TCERG1: variants seen among roughly 807,000 people sequenced by gnomAD.
TCERG1 encodes the protein TATA box binding protein (TBP)-associated factor, RNA polymerase II, S, 150kD.
Under a neutral mutation model 144.7 loss-of-function variants are expected in TCERG1, and 37 were observed. The observed-to-expected ratio is 0.26, with a 90% CI of 0.20 to 0.34. TCERG1 has a LOEUF of 0.34. Ranked by LOEUF, TCERG1 falls within the 10% of genes least tolerant of loss-of-function variation. The pLI is 1.00. For missense variants in TCERG1, 1,027 were observed against 1,380.7 expected (o/e 0.74, Z 4.06); for synonymous variants, 492 against 458.2 (o/e 1.07, Z -0.94).
At chr5:146,482,767 A>G in intron 14 of TCERG1, 40 bp downstream of exon 14, 1 of 1,554,396 alleles carries the variant, frequency 6.4e-7, no homozygotes. Context: ...TCTGTTTTGT[A>G]TAAGTAATAT....
At chr5:146,475,513 A>G (rs898829536) in intron 9 of TCERG1, among the ~76,000 whole-genome samples, 2 of 152,242 alleles carry the variant, frequency 1.3e-5, no homozygotes, top group African/African-American at 4.8e-5. Flanking sequence ...CCCAACAAGA[A>G]TTACTTACCT....
In TCERG1 at chr5:146,477,692, C is replaced by CTTTT. The variant is rs1168989847; in HGVS notation, c.1602-781_1602-778dup. On this transcript the variant is annotated intron_variant, in intron 9 of 22. Coordinates refer to ENST00000679501, the MANE Select transcript of TCERG1 (RefSeq NM_001382548.1). ...ATGCCCTAGTGCAATTGGTACTTTA[C>CTTTT]TTTTTTTTTTTTTTTTTTTTTTTGA... Among the ~76,000 whole-genome samples the CTTTT allele has an allele frequency of 9.3e-4, 74 of 79,370 alleles. 4 individuals carry two copies. The highest frequency in any genetic ancestry group is 3.2e-3 in the East Asian group (8 of 2,532). 52.1% of individuals were successfully genotyped at this position (79,370 alleles called of 152,430 possible).
chr5:146,498,732 T>C (rs780192539), intron 17 of TCERG1, 46 bp downstream of exon 17: 3 of 1,577,212 alleles, frequency 1.9e-6, no homozygotes, highest in Non-Finnish European at 2.6e-6. Context: ...GGAGTGTGAA[T>C]GGGAAAGGTC....
At chr5:146,495,498 T>G (rs541595376) in intron 16 of TCERG1, among the ~76,000 whole-genome samples, 1 of 152,264 alleles carries the variant, frequency 6.6e-6, no homozygotes, top group African/African-American at 2.4e-5. Flanking sequence ...ATTATTGTTA[T>G]GTATCTGTTG....
chr5:146,501,354 TAGTA>T (rs1371292992), intron 17 of TCERG1, among the ~76,000 whole-genome samples: 3 of 151,916 alleles, frequency 2.0e-5, no homozygotes, highest in African/African-American at 7.3e-5. Flanking sequence ...CTGATAGCCT[TAGTA>T]AGCCATTTAT....
chr5:146,463,416 A>G (rs1276182125), intron 4 of TCERG1, 135 bp from the exon 5 acceptor site: 1 of 1,259,778 alleles, frequency 7.9e-7, no homozygotes, highest in Non-Finnish European at 1.1e-6. Context: ...TGAAGATAAG[A>G]CCTTTTGACA....
intron 7 of TCERG1, 46 bp downstream of exon 7, chr5:146,469,790 A>G: frequency 3.8e-6 from 5 of 1,308,588 alleles, no homozygotes; most frequent in Non-Finnish European, 5.1e-6. Flanking sequence ...AAACTGTAAT[A>G]AGTAGAATGG....
Position 146,459,230 on chromosome 5 carries a change from C to G in TCERG1, c.785C>G (p.Thr262Arg), listed in dbSNP as rs187719340. Reference sequence around the variant, plus strand: ...CAAGCAGTTGGAGCTTCCACCCCTACGACCAGTAGCCCAGCACCTGCAGTA... The same window carrying G: ...CAAGCAGTTGGAGCTTCCACCCCTAGGACCAGTAGCCCAGCACCTGCAGTA... ...QAQAVGASTPTTSSPAPAVST... is the reference protein window; with the variant it reads ...QAQAVGASTPRTSSPAPAVST... The change falls in exon 4 of 23, where the codon ACG (threonine) becomes AGG (arginine). Residue 262 changes from threonine (T) to arginine (R), a missense_variant. By Grantham distance (71) the Thr-to-Arg change is moderately conservative (BLOSUM62 -1). Coordinates refer to ENST00000679501, the MANE Select transcript of TCERG1 (RefSeq NM_001382548.1). 6.2e-7 allele frequency: 1 copy of G among 1,614,270 alleles called. No individual in the cohort carries two copies. Among genetic ancestry groups the G allele is most frequent in the South Asian group, 1.1e-5 (1 of 91,088 alleles).
chr5:146,479,983 A>G (rs912477684), intron 11 of TCERG1, 45 bp from the exon 12 acceptor site: 2 of 1,596,638 alleles, frequency 1.3e-6, no homozygotes, highest in Non-Finnish European at 8.6e-7. Flanking sequence ...AGTGATTAGC[A>G]GAAGGATTCA....
At chr5:146,469,261 ATATT>A (rs563680472) in intron 6 of TCERG1, among the ~76,000 whole-genome samples, 2 of 152,204 alleles carry the variant, frequency 1.3e-5, no homozygotes, top group African/African-American at 4.8e-5. Flanking sequence ...ATGTTTTTAA[ATATT>A]TATTATGTTA....
intron 4 of TCERG1, among the ~76,000 whole-genome samples, chr5:146,460,484 A>G (rs1281090449): frequency 6.6e-6 from 1 of 152,058 alleles, no homozygotes; most frequent in South Asian, 2.1e-4. Context: ...CTGTCCCTAC[A>G]GTGTGATTAT....
At chr5:146,496,005 T>C (rs2150767644) in intron 16 of TCERG1, among the ~76,000 whole-genome samples, 1 of 152,168 alleles carries the variant, frequency 6.6e-6, no homozygotes, top group Non-Finnish European at 1.5e-5. Context: ...ATACAAAAAT[T>C]AGCCAGGTGT....
intron 16 of TCERG1, among the ~76,000 whole-genome samples, chr5:146,496,869 G>GTTT (rs70998085): frequency 8.8e-4 from 73 of 83,320 alleles, no homozygotes; most frequent in African/African-American, 2.1e-3. Flanking sequence ...CTCACTATGT[G>GTTT]TTTTTTTTTT....
chr5:146,508,019 G>A, intron 21 of TCERG1, 63 bp downstream of exon 21: 6 of 1,171,342 alleles, frequency 5.1e-6, no homozygotes, highest in Non-Finnish European at 7.4e-6. Flanking sequence ...GGGCCTAACA[G>A]CACTACTATC....
At chr5:146,499,098 A>G (rs1487222084) in intron 17 of TCERG1, among the ~76,000 whole-genome samples, 1 of 152,214 alleles carries the variant, frequency 6.6e-6, no homozygotes, top group Non-Finnish European at 1.5e-5. Flanking sequence ...CAGTAAACAT[A>G]TCTTACATAT....
intron 15 of TCERG1, among the ~76,000 whole-genome samples, chr5:146,484,963 A>G (rs1459631674): frequency 6.6e-6 from 1 of 152,162 alleles, no homozygotes; most frequent in Non-Finnish European, 1.5e-5. Context: ...CAGCCAGGCT[A>G]ATTTTAAAGT....
intron 3 of TCERG1, among the ~76,000 whole-genome samples, chr5:146,458,074 T>C (rs1406553107): frequency 6.6e-6 from 1 of 152,186 alleles, no homozygotes; most frequent in African/African-American, 2.4e-5. Context: ...GGTCTCGAAC[T>C]CTTGACCTCA....
chr5:146,510,824 G>T lies in TCERG1; in HGVS notation c.*182G>T. ...AAATATTTATGCTTTTCTTTGTGTG[G>T]CATGACTGACATACATACTCAAATA... On this transcript the variant is annotated 3_prime_UTR_variant, in exon 23 of 23. Transcript: ENST00000679501. 3.9e-6 allele frequency: 2 copies of T among 518,750 alleles called. No individual in the cohort carries two copies. The highest frequency in any genetic ancestry group is 3.8e-5 in the South Asian group (1 of 26,010). The allele number at this position is 518,750 out of a possible 1,614,324, so 32.1% of individuals were successfully genotyped here. A position where few individuals can be genotyped will look rare whatever the true frequency, so the allele number is the denominator to read the frequency against.
intron 7 of TCERG1, chr5:146,469,948 C>T: frequency 2.4e-6 from 1 of 413,274 alleles, no homozygotes; most frequent in South Asian, 5.2e-5. Flanking sequence ...TTTTTTCCAT[C>T]TGGAGAAATG....
Sources: allele counts gnomAD v4.1 joint callset (sites outside exome capture counted in the v4.1 genomes callset), GRCh38; gene constraint gnomAD v4.1.1; transcripts MANE v1.5; gene names NCBI Gene and HGNC (gene_info 2026-07-23, HGNC 2026-07-21).